Variants in NBL1 observed in about 807,000 individuals in gnomAD.
NBL1 encodes the protein NBL1, DAN family BMP antagonist, also known as neuroblastoma suppressor of tumorigenicity 1.
Under a neutral mutation model 16.0 loss-of-function variants are expected in NBL1, and 9 were observed. The ratio of observed to expected loss-of-function variants is 0.56; its 90% CI spans 0.34 to 0.98. The LOEUF (loss-of-function observed/expected upper bound fraction) is 0.98. Ranked by LOEUF, NBL1 falls within the 50% of genes least tolerant of loss-of-function variation. The probability of loss-of-function intolerance (pLI) is 0.02; values close to 1 mark genes in which losing one functional copy is unlikely to be tolerated. For synonymous variants in NBL1, 86 were observed against 100.7 expected (o/e 0.85, Z 0.87); for missense variants, 196 against 243.1 (o/e 0.81, Z 1.29).
Position 19,658,078 on chromosome 1 carries a change from G to A in NBL1, c.*949G>A, listed in dbSNP as rs968400751. 6.5e-6 allele frequency: 1 copy of A among 152,810 alleles called. No individual in the cohort carries two copies. Among genetic ancestry groups the A allele is most frequent in the African/African-American group, 2.4e-5 (1 of 41,450 alleles). 9.5% of individuals were successfully genotyped at this position (152,810 alleles called of 1,614,324 possible). On this transcript the variant is annotated 3_prime_UTR_variant, in exon 4 of 4. Transcript: ENST00000375136. ...CCCCAAGGTTCCAGAGGCCCTAGGC[G>A]GGATGGGCTCGCTGAACCTCGAGGA...
Position 19,655,387 on chromosome 1 carries a change from C to A in NBL1, c.234C>A (p.Ser78=). 6.2e-7 allele frequency: 1 copy of A among 1,614,130 alleles called. No individual in the cohort carries two copies. Among genetic ancestry groups the A allele is most frequent in the Non-Finnish European group, 8.5e-7 (1 of 1,180,026 alleles). The change falls in exon 3 of 4, where the codon TCC becomes TCA. Residue 78 remains serine (S), a synonymous_variant. Coordinates refer to ENST00000375136, the MANE Select transcript of NBL1 (RefSeq NM_005380.8). ...ACACCTTCCCACAGTCCACAGAGTC[C>A]CTGGTTCACTGTGACTCCTGCATGC... ...VPNTFPQSTE[S]LVHCDSCMPA... is the part of the protein sequence containing the mutation.
intron 1 of NBL1, chr1:19,645,659 G>T: frequency 8.5e-7 from 1 of 1,177,860 alleles, no homozygotes. Context: ...GCTTGGGCGT[G>T]GTTTGCCTTG....
intron 1 of NBL1, among the ~76,000 whole-genome samples, chr1:19,654,251 A>C (rs1182841276): frequency 2.6e-5 from 4 of 152,064 alleles, no homozygotes; most frequent in Non-Finnish European, 5.9e-5. Context: ...TCTTTACAGA[A>C]ATTAGCCAGG....
At chr1:19,647,798 C>T in intron 1 of NBL1, 1 of 428,614 alleles carries the variant, frequency 2.3e-6, no homozygotes, top group Non-Finnish European at 3.1e-6. Context: ...TCAGCCCTGC[C>T]CTCCACGGCT....
intron 1 of NBL1, chr1:19,647,716 T>TC (rs2094989990): frequency 1.0e-6 from 1 of 974,576 alleles, no homozygotes; most frequent in Non-Finnish European, 1.2e-6. Context: ...GTGGGGAGGT[T>TC]CCCCGAGGAG....
chr1:19,656,108 C>T (rs571401664), intron 3 of NBL1, among the ~76,000 whole-genome samples: 9 of 152,256 alleles, frequency 5.9e-5, no homozygotes, highest in African/African-American at 1.9e-4. Flanking sequence ...GTGATTTTGA[C>T]AGATCTGTTT....
chr1:19,645,790 A>C, intron 1 of NBL1: 2 of 1,419,008 alleles, frequency 1.4e-6, no homozygotes, highest in Non-Finnish European at 1.9e-6. Flanking sequence ...TGGACAGGGG[A>C]GTAGGTGTTC....
At position 19,657,094 on chromosome 1, in the gene NBL1, G is replaced by T; in HGVS notation, c.511G>T (p.Ala171Ser). ...QTPEPEDPPG[A>S]PHTEEEGAED is the part of the protein sequence containing the mutation. ...CCCTGAGCCCGAGGACCCCCCTGGG[G>T]CCCCCCACACAGAGGAAGAGGGGGC... Residue 171 changes from alanine (A) to serine (S), a missense_variant, in exon 4 of 4, where the codon GCC (alanine) becomes TCC (serine). Physicochemically the swap from Ala to Ser is moderately conservative, Grantham distance 99 (BLOSUM62 1). Transcript: ENST00000375136. The T allele has an allele frequency of 6.6e-7, 1 of 1,510,054 alleles. No homozygotes were observed. The highest frequency in any genetic ancestry group is 8.9e-7 in the Non-Finnish European group (1 of 1,121,130). 93.5% of individuals were successfully genotyped at this position (1,510,054 alleles called of 1,614,324 possible). A position where few individuals can be genotyped will look rare whatever the true frequency, so the allele number is the denominator to read the frequency against.
At chr1:19,649,628 G>A (rs1052134471) in intron 1 of NBL1, among the ~76,000 whole-genome samples, 2 of 152,170 alleles carry the variant, frequency 1.3e-5, no homozygotes, top group Non-Finnish European at 2.9e-5. Flanking sequence ...AAAATGCTGG[G>A]ATTACAGGCG....
chr1:19,644,324 A>C lies in NBL1; in HGVS notation c.-142A>C. 1.0e-6 allele frequency: 1 copy of C among 978,230 alleles called. No individual in the cohort carries two copies. Among genetic ancestry groups the C allele is most frequent in the South Asian group, 4.7e-5 (1 of 21,246 alleles). 60.6% of individuals were successfully genotyped at this position (978,230 alleles called of 1,614,324 possible). A position where few individuals can be genotyped will look rare whatever the true frequency, so the allele number is the denominator to read the frequency against. ...CCGCCCGGGGCCGCAGACAGCGCGC[A>C]GCGCAGCCCAGCCGAGCGTCGCGGG... On this transcript the variant is annotated 5_prime_UTR_variant, in exon 1 of 4. Transcript: ENST00000375136. This position sits in a 1 kb window ranked among gnomAD's most constrained non-coding sequence, Gnocchi z 4.6.
Position 19,656,954 on chromosome 1 carries a change from G to T in NBL1, c.371G>T (p.Gly124Val). ...KILHCSCQACGKEPSHEGLSV... is the reference protein window; with the variant it reads ...KILHCSCQACVKEPSHEGLSV... The stretch of plus-strand genomic sequence containing the variant: ...CTGCACTGTAGCTGCCAGGCCTGCG[G>T]CAAGGAGCCTAGTCACGAGGGGCTG... The change falls in exon 4 of 4, where the codon GGC becomes GTC. Residue 124 changes from glycine to valine, a missense_variant. Transcript: ENST00000375136. The T allele has an allele frequency of 2.5e-6, 4 of 1,612,586 alleles. No homozygotes were observed. The South Asian group carries it at 4.4e-5, about 18-fold the overall frequency.
In NBL1 at chr1:19,655,045, C is replaced by G. The variant is rs747172237; in HGVS notation, c.15C>G (p.Val5=). The G allele has an allele frequency of 1.2e-6, 2 of 1,609,930 alleles. No homozygotes were observed. Among genetic ancestry groups the G allele is most frequent in the African/African-American group, 2.7e-5 (2 of 74,870 alleles). Reference sequence around the variant, plus strand: ...AGGCCACGGGCATGATGCTTCGGGTCCTGGTGGGGGCTGTCCTCCCTGCCA... The same window carrying G: ...AGGCCACGGGCATGATGCTTCGGGTGCTGGTGGGGGCTGTCCTCCCTGCCA... MMLR[V]LVGAVLPAML... is the part of the protein sequence containing the mutation. Residue 5 remains valine, a synonymous_variant, in exon 2 of 4, where the codon GTC becomes GTG. Transcript: ENST00000375136.
chr1:19,646,687 G>A (rs1221829307), intron 1 of NBL1, among the ~76,000 whole-genome samples: 1 of 152,230 alleles, frequency 6.6e-6, no homozygotes, highest in African/African-American at 2.4e-5. Flanking sequence ...GCTCAGCCTG[G>A]CAGTGGGGCA....
chr1:19,643,662 TC>T, upstream of NBL1: 1 of 1,247,968 alleles, frequency 8.0e-7, no homozygotes, highest in Non-Finnish European at 1.0e-6. This position sits in a 1 kb window ranked among gnomAD's most constrained non-coding sequence, Gnocchi z 4.7. Context: ...TCCTAATAAG[TC>T]CCTGGGGCTT....
chr1:19,650,607 C>T (rs1009722132), intron 1 of NBL1, among the ~76,000 whole-genome samples: 4 of 152,204 alleles, frequency 2.6e-5, no homozygotes, highest in Non-Finnish European at 5.9e-5. Flanking sequence ...GCTGGGAGAT[C>T]TCCAACTTTC....
upstream of NBL1, chr1:19,643,366 C>T (rs1471843007): frequency 1.1e-5 from 18 of 1,613,842 alleles, no homozygotes; most frequent in Non-Finnish European, 1.5e-5. The surrounding 1 kb of genome is among the most constrained non-coding windows in gnomAD (Gnocchi z 4.7). Flanking sequence ...CTGGAAGTTT[C>T]CAGCCAAGCT....
chr1:19,645,784 C>T (rs2094975607), intron 1 of NBL1: 2 of 1,414,112 alleles, frequency 1.4e-6, no homozygotes, highest in Non-Finnish European at 1.9e-6. Context: ...GAGGGGTGGA[C>T]AGGGGAGTAG....
chr1:19,648,857 C>T (rs2095002936), intron 1 of NBL1, among the ~76,000 whole-genome samples: 2 of 152,070 alleles, frequency 1.3e-5, no homozygotes, highest in Admixed American at 6.6e-5. Context: ...GAGGGAGGAT[C>T]GTGTCACACA....
chr1:19,648,151 C>T (rs1314413601), intron 1 of NBL1, among the ~76,000 whole-genome samples: 2 of 152,054 alleles, frequency 1.3e-5, no homozygotes, highest in African/African-American at 4.8e-5. Context: ...TATACCAAAG[C>T]TAATCCACTC....
Sources: allele counts gnomAD v4.1 joint callset (sites outside exome capture counted in the v4.1 genomes callset), GRCh38; gene constraint gnomAD v4.1.1; non-coding constraint Gnocchi (gnomAD v3.1); transcripts MANE v1.5; gene names NCBI Gene and HGNC (gene_info 2026-07-23, HGNC 2026-07-21).